NRSN2: variants seen among roughly 807,000 people sequenced by gnomAD.
NRSN2 encodes the protein neurensin-2.
NRSN2 carries 10 observed loss-of-function variants against 11.1 expected under a neutral mutation model. The ratio of observed to expected loss-of-function variants is 0.90; its 90% CI spans 0.56 to 1.53. NRSN2 has a LOEUF of 1.53. NRSN2 is among the 40% of genes most tolerant of loss of function. The probability of loss-of-function intolerance (pLI) is 0.00; values close to 1 mark genes in which losing one functional copy is unlikely to be tolerated. For synonymous variants in NRSN2, 100 were observed against 117.0 expected (o/e 0.86, Z 0.94); for missense variants, 260 against 273.7 (o/e 0.95, Z 0.35).
chr20:351,671 A>G (rs534220500), intron 4 of NRSN2, among the ~76,000 whole-genome samples: 72 of 152,358 alleles, frequency 4.7e-4, no homozygotes, highest in African/African-American at 1.7e-3. Flanking sequence ...TATGAGAAGA[A>G]CTACAAAACT....
intron 4 of NRSN2, 100 bp from the exon 5 acceptor site, chr20:353,109 CA>C: frequency 9.4e-7 from 1 of 1,061,266 alleles, no homozygotes; most frequent in East Asian, 2.4e-5. Context: ...GAGGATGGAT[CA>C]AGGGGTTACC....
chr20:351,998 T>A (rs1480871316), intron 4 of NRSN2, among the ~76,000 whole-genome samples: 1 of 152,254 alleles, frequency 6.6e-6, no homozygotes, highest in African/African-American at 2.4e-5. Flanking sequence ...GAAACAATGC[T>A]TTTAATTCCC....
rs568858757 is a variant in NRSN2 at position 349,774 on chromosome 20, A to G, written c.131A>G (p.Asp44Gly). The G allele has an allele frequency of 1.6e-5, 26 of 1,613,312 alleles. No individual in the cohort carries two copies. The South Asian group carries it at 2.6e-4, about 16-fold the overall frequency. ...EDCAGTALSD[D>G]PEGPPVLCPR... is the part of the protein sequence containing the mutation. Reference sequence around the variant, plus strand: ...TGTGCAGGCACTGCTCTCAGCGACGACCCTGAGGGACCTCCGGTCCTGTGC... The same window carrying G: ...TGTGCAGGCACTGCTCTCAGCGACGGCCCTGAGGGACCTCCGGTCCTGTGC... The change falls in exon 4 of 5, where the codon GAC becomes GGC. Residue 44 changes from aspartate to glycine, a missense_variant. Asp to Gly is a moderately conservative substitution (Grantham distance 94). Transcript: ENST00000382285.
chr20:350,555 G>A (rs1314477596), intron 4 of NRSN2, among the ~76,000 whole-genome samples: 3 of 141,202 alleles, frequency 2.1e-5, no homozygotes, highest in Non-Finnish European at 4.5e-5. Context: ...GGCTGAGGCA[G>A]GAGAATTGCT....
Position 354,595 on chromosome 20 carries a change from C to G in NRSN2, c.*960C>G, listed in dbSNP as rs1009150867. On this transcript the variant is annotated 3_prime_UTR_variant, in exon 5 of 5. Coordinates refer to ENST00000382285, the MANE Select transcript of NRSN2 (RefSeq NM_001323682.2). ...GATAATAAATGGGCTCTCTCAGAGG[C>G]GCCAGCCCCTCCCTCCCCAGCCGGA... The G allele has an allele frequency of 1.3e-5, 2 of 152,016 alleles. No homozygotes were observed. Among genetic ancestry groups the G allele is most frequent in the African/African-American group, 4.8e-5 (2 of 41,344 alleles). 9.4% of individuals were successfully genotyped at this position (152,016 alleles called of 1,614,324 possible).
rs1205879246 is a variant in NRSN2 at position 347,853 on chromosome 20, G to A, written c.-122+341G>A. 2.6e-5 allele frequency among the ~76,000 whole-genome samples: 4 copies of A among 152,166 alleles called. No individual in the cohort carries two copies. The highest frequency in any genetic ancestry group is 2.1e-4 in the South Asian group (1 of 4,824). On this transcript the variant is annotated intron_variant, in intron 2 of 4. Transcript: ENST00000382285. This position sits in a 1 kb window ranked among gnomAD's most constrained non-coding sequence, Gnocchi z 7.0. ...CCGGGCTGGGGACGCCTCCCTAGCG[G>A]TTCCCATGGCAACCCTCGTCCCGGG...
intron 4 of NRSN2, among the ~76,000 whole-genome samples, chr20:352,577 A>G (rs1242907955): frequency 6.6e-6 from 1 of 151,788 alleles, no homozygotes; most frequent in Admixed American, 6.6e-5. Context: ...TCTTCGAGGA[A>G]CTCTTTTAGC....
chr20:353,048 G>GC (rs1271344729), intron 4 of NRSN2, among the ~76,000 whole-genome samples, 162 bp from the exon 5 acceptor site: 5 of 152,234 alleles, frequency 3.3e-5, no homozygotes, highest in African/African-American at 1.2e-4. Context: ...GACAGTTTAT[G>GC]CCTCCTGTCA....
chr20:349,558 T>G, intron 3 of NRSN2, 80 bp from the exon 4 acceptor site: 1 of 1,208,902 alleles, frequency 8.3e-7, no homozygotes, highest in Non-Finnish European at 1.2e-6. Context: ...GGCACAAAGA[T>G]TTAGGGGGCT....
In NRSN2 at chr20:349,756, G is replaced by T. The variant is rs2013776273; in HGVS notation, c.113G>T (p.Gly38Val). The T allele has an allele frequency of 6.2e-7, 1 of 1,613,398 alleles. No homozygotes were observed. The highest frequency in any genetic ancestry group is 1.3e-5 in the African/African-American group (1 of 74,900). The change falls in exon 4 of 5, where the codon GGC becomes GTC. Residue 38 changes from glycine (G) to valine (V), a missense_variant. By Grantham distance (109) the Gly-to-Val change is moderately radical. Transcript: ENST00000382285. Reference protein sequence around the residue: ...YLHLFYEDCAGTALSDDPEGP... With the variant: ...YLHLFYEDCAVTALSDDPEGP... ...CACCTCTTCTATGAGGACTGTGCAG[G>T]CACTGCTCTCAGCGACGACCCTGAG...
chr20:347,931 G>C lies in NRSN2; in HGVS notation c.-122+419G>C, dbSNP rs181443320. On this transcript the variant is annotated intron_variant, in intron 2 of 4. Coordinates refer to ENST00000382285, the MANE Select transcript of NRSN2 (RefSeq NM_001323682.2). This position sits in a 1 kb window ranked among gnomAD's most constrained non-coding sequence, Gnocchi z 7.0. Reference sequence around the variant, plus strand: ...GACCTACTCCGTGCAGCCCTGAAACGCCAGGCGGAGGGGCCAGGCCGAGCG... The same window carrying C: ...GACCTACTCCGTGCAGCCCTGAAACCCCAGGCGGAGGGGCCAGGCCGAGCG... 4.7e-3 allele frequency among the ~76,000 whole-genome samples: 713 copies of C among 151,800 alleles called. 4 individuals are homozygous for C. The highest frequency in any genetic ancestry group is 0.017 in the African/African-American group (687 of 41,426).
chr20:353,166 C>T (rs1451755004), intron 4 of NRSN2, 44 bp from the exon 5 acceptor site: 1 of 1,595,810 alleles, frequency 6.3e-7, no homozygotes, highest in Non-Finnish European at 8.5e-7. Context: ...CCAGGGGCCC[C>T]TGGCTGACCC....
rs747489526 is a variant in NRSN2, at chr20:349,799, C to T, written c.156C>T (p.Cys52=). The change falls in exon 4 of 5, where the codon TGC becomes TGT. Residue 52 remains cysteine, a synonymous_variant. Coordinates refer to ENST00000382285, the MANE Select transcript of NRSN2 (RefSeq NM_001323682.2). ...ACCCTGAGGGACCTCCGGTCCTGTGCCCCCGCCGGCCCTGGCCCTCACTGT... is the reference window on the plus strand; with the variant it reads ...ACCCTGAGGGACCTCCGGTCCTGTGTCCCCGCCGGCCCTGGCCCTCACTGT... ...SDDPEGPPVL[C]PRRPWPSLCW... 9 of 1,613,084 alleles carry T rather than the reference C, an allele frequency of 5.6e-6. No homozygotes were observed. Among genetic ancestry groups the T allele is most frequent in the Non-Finnish European group, 7.6e-6 (9 of 1,179,922 alleles).
At chr20:351,384 A>T (rs561349271) in intron 4 of NRSN2, among the ~76,000 whole-genome samples, 1 of 152,180 alleles carries the variant, frequency 6.6e-6, no homozygotes, top group Non-Finnish European at 1.5e-5. Context: ...AAAATAAAAA[A>T]TTAGCTGGAT....
chr20:351,865 G>C (rs561613290), intron 4 of NRSN2, among the ~76,000 whole-genome samples: 1 of 152,118 alleles, frequency 6.6e-6, no homozygotes, highest in Non-Finnish European at 1.5e-5. Context: ...GGACTGAGTC[G>C]GGTCCCTTGC....
rs968351269 is a variant in NRSN2 at position 353,932 on chromosome 20, T to C, written c.*297T>C. ...TCCCCACTCCTTCCTCTGCATGACCTTGGGCAAACCCTTGCCCTTTCAAGC... is the reference window on the plus strand; with the variant it reads ...TCCCCACTCCTTCCTCTGCATGACCCTGGGCAAACCCTTGCCCTTTCAAGC... On this transcript the variant is annotated 3_prime_UTR_variant, in exon 5 of 5. Transcript: ENST00000382285. 1.4e-5 allele frequency: 6 copies of C among 441,446 alleles called. No homozygotes were observed. Among genetic ancestry groups the C allele is most frequent in the African/African-American group, 1.0e-4 (5 of 48,894 alleles). The allele number at this position is 441,446 out of a possible 1,614,324, so 27.3% of individuals were successfully genotyped here.
At position 353,612 on chromosome 20, in the gene NRSN2, A is replaced by G. The variant is rs144774955; in HGVS notation, c.592A>G (p.Ile198Val). 20 of 1,614,026 alleles carry G rather than the reference A, an allele frequency of 1.2e-5. No homozygotes were observed. Among genetic ancestry groups the G allele is most frequent in the Middle Eastern group, 1.6e-4 (1 of 6,084 alleles). ...SPFGQSSVQTIQPKRDS is the reference protein window; with the variant it reads ...SPFGQSSVQTVQPKRDS ...CTTTGGGCAATCTTCTGTGCAGACT[A>G]TCCAGCCCAAGAGGGACTCCTGAGC... The change falls in exon 5 of 5, where the codon ATC becomes GTC. Residue 198 changes from isoleucine (I) to valine (V), a missense_variant. Physicochemically the swap from Ile to Val is conservative, Grantham distance 29. Coordinates refer to ENST00000382285, the MANE Select transcript of NRSN2 (RefSeq NM_001323682.2).
In NRSN2 at chr20:347,713, C is replaced by T. The variant is rs2013533451; in HGVS notation, c.-122+201C>T. Among the ~76,000 whole-genome samples, 1 of 152,128 alleles carries T rather than the reference C, an allele frequency of 6.6e-6. No homozygotes were observed. Among genetic ancestry groups the T allele is most frequent in the African/African-American group, 2.4e-5 (1 of 41,432 alleles). Reference sequence around the variant, plus strand: ...TCCATCTTCGGGCCCTGGCTTCCGTCACTTCCGCCCGTGCCTGCCGCCCCT... The same window carrying T: ...TCCATCTTCGGGCCCTGGCTTCCGTTACTTCCGCCCGTGCCTGCCGCCCCT... On this transcript the variant is annotated intron_variant, in intron 2 of 4. Transcript: ENST00000382285. The surrounding 1 kb of genome is among the most constrained non-coding windows in gnomAD (Gnocchi z 7.0).
intron 4 of NRSN2, among the ~76,000 whole-genome samples, chr20:351,027 G>A (rs1035815449): frequency 3.9e-5 from 6 of 152,132 alleles, no homozygotes; most frequent in African/African-American, 1.2e-4. Context: ...TCAGGAGTTC[G>A]AGACCAGCTT....
Sources: gnomAD v4.1 joint callset for allele counts (sites outside exome capture counted in the v4.1 genomes callset) on GRCh38, gnomAD v4.1.1 for gene constraint, Gnocchi (gnomAD v3.1) non-coding constraint, MANE v1.5 for transcripts, NCBI Gene and HGNC (gene_info 2026-07-23, HGNC 2026-07-21) for gene names.